The following COL4A5 variants were observed in gnomAD, a reference collection of about 807,000 sequenced individuals.
COL4A5 encodes the protein collagen alpha-5(IV) chain.
Under a neutral mutation model 130.2 loss-of-function variants are expected in COL4A5, and 26 were observed. The ratio of observed to expected loss-of-function variants is 0.20; its 90% confidence interval spans 0.15 to 0.28. The LOEUF (loss-of-function observed/expected upper bound fraction) is 0.28, where lower values mean the gene tolerates loss of function less well. Among genes scored for constraint, COL4A5 ranks in the 10% least tolerant of loss-of-function variants. The pLI is 1.00. For synonymous variants in COL4A5, 496 were observed against 439.6 expected, an observed-to-expected ratio of 1.13 and a Z score of -1.60; for missense variants, 1,131 against 1,344.3, an observed-to-expected ratio of 0.84 and a Z score of 2.48.
intron 1 of COL4A5, among the ~76,000 whole-genome samples, chrX:108,509,906 A>C (rs1352848667): frequency 1.8e-5 from 2 of 112,577 alleles, no homozygotes; most frequent in African/African-American, 6.4e-5. Flanking sequence ...GAATCAACCT[A>C]AATGCCCATC....
At chrX:108,575,770 G>C (rs1370045099) in intron 9 of COL4A5, 140 bp from the exon 10 acceptor site, 1 of 462,111 alleles carries the variant, frequency 2.2e-6, no homozygotes, top group African/African-American at 2.4e-5. Flanking sequence ...CCAGGAGGCG[G>C]AGGTCGCAGT....
intron 1 of COL4A5, among the ~76,000 whole-genome samples, chrX:108,460,383 C>T (rs1240226306): frequency 9.0e-6 from 1 of 110,766 alleles, no homozygotes; most frequent in Non-Finnish European, 1.9e-5. Flanking sequence ...ATTTCCTTGC[C>T]CCCAACTCCC....
chrX:108,596,755 T>C lies in COL4A5; in HGVS notation c.1517-243T>C, dbSNP rs773215375. On this transcript the variant is annotated intron_variant, in intron 22 of 52. Coordinates refer to ENST00000328300, the MANE Select transcript of COL4A5 (RefSeq NM_033380.3). ...AAAGTCTGCTTTGGAGTTGAAAGTT[T>C]CTTAGGATACAATATTGTATGTAAC... Among the ~76,000 whole-genome samples, 13 of 112,404 alleles carry C rather than the reference T, an allele frequency of 1.2e-4. 1 individual carries two copies. The highest frequency in any genetic ancestry group is 1.0e-3 in the Admixed American group (11 of 10,613).
chrX:108,616,613 T>C (rs1224587905), intron 30 of COL4A5, among the ~76,000 whole-genome samples: 1 of 111,513 alleles, frequency 9.0e-6, no homozygotes, highest in Non-Finnish European at 1.9e-5. Context: ...TTCCAAAAAG[T>C]GCATGAGTCT....
chrX:108,543,771 T>C (rs1194562224), intron 2 of COL4A5, among the ~76,000 whole-genome samples: 1 of 112,089 alleles, frequency 8.9e-6, no homozygotes, highest in Non-Finnish European at 1.9e-5. Context: ...GTTTGTATCC[T>C]CTTTTATTTC....
chrX:108,594,177 T>C (rs1261724228), intron 21 of COL4A5, among the ~76,000 whole-genome samples: 1 of 112,358 alleles, frequency 8.9e-6, no homozygotes, highest in African/African-American at 3.2e-5. Flanking sequence ...TTTAGCCTTC[T>C]AGTTGCTCAT....
chrX:108,648,912 A>G (rs749897244), intron 36 of COL4A5, among the ~76,000 whole-genome samples: 2 of 111,491 alleles, frequency 1.8e-5, no homozygotes, highest in African/African-American at 3.3e-5. Context: ...AAGAGAAAGA[A>G]AAAAAGAACA....
intron 1 of COL4A5, among the ~76,000 whole-genome samples, chrX:108,475,558 A>G (rs2064824383): frequency 9.0e-6 from 1 of 111,432 alleles, no homozygotes; most frequent in Admixed American, 9.6e-5. Context: ...GTTACCATTA[A>G]ATGTGATATT....
Position 108,440,207 on chromosome X carries a change from G to T in COL4A5, c.81+1G>T. ...TTGGGGGCAGCCTGCAGAGGCTGCGGTAAGTCCTTCCTCCCCTCCCCCGCG... is the reference window on the plus strand; with the variant it reads ...TTGGGGGCAGCCTGCAGAGGCTGCGTTAAGTCCTTCCTCCCCTCCCCCGCG... On this transcript the variant is annotated splice_donor_variant, in intron 1 of 52. Transcript: ENST00000328300. LOFTEE classifies it high-confidence loss of function. The T allele has an allele frequency of 8.5e-7, 1 of 1,179,237 alleles. No individual in the cohort carries two copies.
At chrX:108,622,581 C>T (rs1313602900) in intron 32 of COL4A5, 95 bp from the exon 33 acceptor site, 4 of 968,859 alleles carry the variant, frequency 4.1e-6, no homozygotes, top group Non-Finnish European at 4.4e-6. Flanking sequence ...TGGCCAGTGG[C>T]CTACTCAACT....
chrX:108,440,303 G>A (rs1167927115), intron 1 of COL4A5, 97 bp downstream of exon 1: 9 of 565,088 alleles, frequency 1.6e-5, no homozygotes, highest in South Asian at 2.5e-5. Context: ...TCCTTTTGGC[G>A]TTGACTAGGG....
Position 108,696,371 on chromosome X carries a change from G to C in COL4A5, c.5069G>C (p.Arg1690Thr), listed in dbSNP as rs1360698598. 5.8e-6 allele frequency: 7 copies of C among 1,199,860 alleles called. No individual in the cohort carries two copies. The highest frequency in any genetic ancestry group is 7.9e-6 in the Non-Finnish European group (7 of 886,434). ...RISRCQVCMK[R>T]T ...AGCCGATGTCAAGTGTGCATGAAGAGGACATAACATTTTGAAGAATTCCTT... is the reference window on the plus strand; with the variant it reads ...AGCCGATGTCAAGTGTGCATGAAGACGACATAACATTTTGAAGAATTCCTT... The change falls in exon 53 of 53, where the codon AGG becomes ACG. Residue 1690 changes from arginine (R) to threonine (T), a missense_variant. Arg to Thr is a moderately conservative substitution (Grantham distance 71). Coordinates refer to ENST00000328300, the MANE Select transcript of COL4A5 (RefSeq NM_033380.3).
intron 36 of COL4A5, among the ~76,000 whole-genome samples, chrX:108,641,857 G>A (rs939694157): frequency 8.9e-6 from 1 of 111,915 alleles, no homozygotes; most frequent in African/African-American, 3.3e-5. Flanking sequence ...GCTGAACTTT[G>A]TAACAATTTG....
intron 30 of COL4A5, 114 bp downstream of exon 30, chrX:108,615,138 C>A: frequency 1.8e-6 from 1 of 551,821 alleles, no homozygotes; most frequent in Non-Finnish European, 3.2e-6. Flanking sequence ...AAAAGGCAAT[C>A]TATCTATGTG....
At chrX:108,514,368 A>G (rs1317704266) in intron 1 of COL4A5, among the ~76,000 whole-genome samples, 1 of 112,292 alleles carries the variant, frequency 8.9e-6, no homozygotes, top group African/African-American at 3.2e-5. Flanking sequence ...AATAATTTGT[A>G]TAATTTGAAG....
chrX:108,576,059 C>A, intron 10 of COL4A5, 87 bp downstream of exon 10: 1 of 577,066 alleles, frequency 1.7e-6, no homozygotes. Flanking sequence ...TACTTGAAAA[C>A]ATAATGCATT....
In COL4A5 at chrX:108,530,923, G is replaced by A. The variant is rs1396998438; in HGVS notation, c.82-8823G>A. 5.5e-4 allele frequency among the ~76,000 whole-genome samples: 56 copies of A among 101,844 alleles called. 4 individuals are homozygous for A. The South Asian group carries it at 0.018, about 33-fold the overall frequency. The allele number at this position is 101,844 out of a possible 115,157, so 88.4% of individuals were successfully genotyped here. A position where few individuals can be genotyped will look rare whatever the true frequency, so the allele number is the denominator to read the frequency against. On this transcript the variant is annotated intron_variant, in intron 1 of 52. Transcript: ENST00000328300. ...ACACATGCACACGTATGTTTATTGT[G>A]GCACTATTCACAATAGCAAAGACTT...
chrX:108,613,816 G>A (rs1242119356), intron 29 of COL4A5, among the ~76,000 whole-genome samples: 2 of 111,641 alleles, frequency 1.8e-5, no homozygotes, highest in African/African-American at 6.5e-5. Context: ...AGAGTAACTC[G>A]AACTCTCATA....
intron 18 of COL4A5, among the ~76,000 whole-genome samples, chrX:108,586,314 GAC>G (rs2066334633): frequency 9.0e-6 from 1 of 111,649 alleles, no homozygotes; most frequent in Non-Finnish European, 1.9e-5. Flanking sequence ...AAATTGGAGA[GAC>G]GTTTTCTGTA....
Sources: allele counts gnomAD v4.1 joint callset (sites outside exome capture counted in the v4.1 genomes callset), GRCh38; gene constraint gnomAD v4.1.1; transcripts MANE v1.5; gene names NCBI Gene and HGNC (gene_info 2026-07-23, HGNC 2026-07-21).